Variants in NCAPG observed in about 807,000 individuals in gnomAD.
NCAPG encodes the protein condensin complex subunit 3.
NCAPG carries 69 observed loss-of-function variants against 113.1 expected under a neutral mutation model. That is an observed-to-expected ratio of 0.61 (90% CI 0.50 to 0.75). NCAPG has a LOEUF of 0.75. Among genes scored for constraint, NCAPG ranks in the 30% least tolerant of loss-of-function variants. The pLI, the probability that NCAPG is intolerant of heterozygous loss-of-function variation, is 0.00. For synonymous variants in NCAPG, 370 were observed against 415.8 expected (o/e 0.89, Z 1.34); for missense variants, 1,058 against 1,177.0 (o/e 0.90, Z 1.48).
At position 17,812,111 on chromosome 4, in the gene NCAPG, T is replaced by TTTAA. The variant is rs1721000135; in HGVS notation, c.112-107_112-104dup. On this transcript the variant is annotated intron_variant, in intron 1 of 20. Coordinates refer to ENST00000251496, the MANE Select transcript of NCAPG (RefSeq NM_022346.5). ...AATTAAGAGTTTACTAAATAAATAT[T>TTTAA]TTAATTTGTCTGCATTATTATGGCT... is the stretch of plus-strand genomic sequence containing the variant. The TTTAA allele has an allele frequency of 1.9e-5, 15 of 807,974 alleles. No individual in the cohort carries two copies. The South Asian group carries it at 2.6e-4, about 14-fold the overall frequency. 50.1% of individuals were successfully genotyped at this position (807,974 alleles called of 1,614,324 possible).
At chr4:17,821,908 CTACTGAATA>C (rs1311321906) in intron 7 of NCAPG, among the ~76,000 whole-genome samples, 18 of 152,012 alleles carry the variant, frequency 1.2e-4, no homozygotes, top group Non-Finnish European at 2.2e-4. Flanking sequence ...AAAGCAGAGG[CTACTGAATA>C]TACAGCCTTC....
Position 17,827,791 on chromosome 4 carries a change from A to G in NCAPG, c.1654-487A>G, listed in dbSNP as rs183722557. 6.3e-3 allele frequency among the ~76,000 whole-genome samples: 947 copies of G among 151,170 alleles called. 14 individuals are homozygous for G. The highest frequency in any genetic ancestry group is 0.022 in the African/African-American group (910 of 41,146). ...TTTTTTTTGAGGTGATAATTAGGCA[A>G]GATGAAGATTAGACTTTTTTTTTTT... is the stretch of plus-strand genomic sequence containing the variant. On this transcript the variant is annotated intron_variant, in intron 11 of 20. Transcript: ENST00000251496.
At chr4:17,836,875 T>C (rs1722118664) in intron 14 of NCAPG, among the ~76,000 whole-genome samples, 2 of 152,170 alleles carry the variant, frequency 1.3e-5, no homozygotes, top group South Asian at 2.1e-4. Context: ...GCTCTTTTTT[T>C]CCAACAGTTA....
chr4:17,831,991 T>C (rs992014045), intron 13 of NCAPG, among the ~76,000 whole-genome samples: 2 of 152,216 alleles, frequency 1.3e-5, no homozygotes, highest in Admixed American at 6.5e-5. Flanking sequence ...CCATATGATC[T>C]GTCTGAACTC....
chr4:17,830,888 A>T, intron 12 of NCAPG, 109 bp from the exon 13 acceptor site: 2 of 1,149,618 alleles, frequency 1.7e-6, no homozygotes, highest in Non-Finnish European at 1.2e-6. Context: ...TTAGCAATTT[A>T]ATACTTACCT....
chr4:17,812,972 A>G lies in NCAPG; in HGVS notation c.371A>G (p.Lys124Arg). ...VRFRVCLLIN[K>R]LLGSMPENAQ... ...TTTAGAGTGTGCCTGCTCATAAACA[A>G]GCTTTTGGGAAGTATGCCAGAAAAT... Residue 124 changes from lysine to arginine, a missense_variant, in exon 3 of 21, where the codon AAG (lysine) becomes AGG (arginine). Physicochemically the swap from Lys to Arg is conservative, Grantham distance 26 (BLOSUM62 2). Coordinates refer to ENST00000251496, the MANE Select transcript of NCAPG (RefSeq NM_022346.5). The G allele has an allele frequency of 6.2e-7, 1 of 1,614,024 alleles. No homozygotes were observed. The highest frequency in any genetic ancestry group is 8.5e-7 in the Non-Finnish European group (1 of 1,179,956).
intron 4 of NCAPG, 134 bp from the exon 5 acceptor site, chr4:17,815,140 C>A: frequency 2.4e-6 from 3 of 1,261,182 alleles, no homozygotes; most frequent in Non-Finnish European, 3.3e-6. Flanking sequence ...TAGGTAGAAT[C>A]TTACTGTATT....
In NCAPG at chr4:17,825,075, G is replaced by A; in HGVS notation, c.1473+18G>A. The A allele has an allele frequency of 6.3e-7, 1 of 1,577,476 alleles. No homozygotes were observed. The highest frequency in any genetic ancestry group is 8.7e-7 in the Non-Finnish European group (1 of 1,148,920). ...AACTCAAGGTAAGTCTCTTTTAAAT[G>A]AAAGAAGTGCTTGAGTGTAATGTAG... On this transcript the variant is annotated intron_variant, in intron 10 of 20. Coordinates refer to ENST00000251496, the MANE Select transcript of NCAPG (RefSeq NM_022346.5).
In NCAPG at chr4:17,828,353, T is replaced by G. The variant is rs1721734470; in HGVS notation, c.1729T>G (p.Leu577Val). 6.2e-7 allele frequency: 1 copy of G among 1,607,502 alleles called. No individual in the cohort carries two copies. The highest frequency in any genetic ancestry group is 1.3e-5 in the African/African-American group (1 of 74,472). Residue 577 changes from leucine (L) to valine (V), a missense_variant, in exon 12 of 21, where the codon TTA (leucine) becomes GTA (valine). Physicochemically the swap from Leu to Val is conservative, Grantham distance 32. Transcript: ENST00000251496. ...GAAGCAGATGTCCATTTCAACAGGC[T>G]TAAGTGCAACCATGAATGGAATCAT... ...LLKQMSISTG[L>V]SATMNGIIES...
chr4:17,832,617 T>C (rs887871828), intron 13 of NCAPG, among the ~76,000 whole-genome samples: 2 of 152,048 alleles, frequency 1.3e-5, no homozygotes, highest in African/African-American at 4.8e-5. Context: ...AGGGGAGAGG[T>C]CCAAGATGGT....
At chr4:17,813,315 T>C (rs1422125525) in intron 3 of NCAPG, 170 bp downstream of exon 3, 1 of 493,382 alleles carries the variant, frequency 2.0e-6, no homozygotes, top group Non-Finnish European at 3.5e-6. Context: ...AAAAAAAAAG[T>C]CAGTACTTGC....
chr4:17,818,632 T>TATA, intron 7 of NCAPG, among the ~76,000 whole-genome samples: 1 of 152,358 alleles, frequency 6.6e-6, no homozygotes, highest in East Asian at 1.9e-4. Context: ...TTGCAAGCTA[T>TATA]ATAACAGGTA....
chr4:17,823,500 G>A (rs1436713198), intron 8 of NCAPG, 147 bp from the exon 9 acceptor site: 4 of 661,526 alleles, frequency 6.0e-6, no homozygotes, highest in Non-Finnish European at 9.7e-6. Context: ...CCTAAAGTCT[G>A]TACATACAGA....
chr4:17,843,520 T>A lies in NCAPG; in HGVS notation c.*95T>A. On this transcript the variant is annotated 3_prime_UTR_variant, in exon 21 of 21. Transcript: ENST00000251496. ...CTTGTCAAAATCAGAACAAACCTGA[T>A]GTCTTTCTGAAGATTTTCTGCTGTG... 1 of 1,404,978 alleles carries A rather than the reference T, an allele frequency of 7.1e-7. No homozygotes were observed. Among genetic ancestry groups the A allele is most frequent in the Non-Finnish European group, 9.8e-7 (1 of 1,023,046 alleles). 87.0% of individuals were successfully genotyped at this position (1,404,978 alleles called of 1,614,324 possible).
chr4:17,839,835 G>A lies in NCAPG; in HGVS notation c.2626G>A (p.Glu876Lys). 6.3e-7 allele frequency: 1 copy of A among 1,578,648 alleles called. No homozygotes were observed. The highest frequency in any genetic ancestry group is 8.5e-7 in the Non-Finnish European group (1 of 1,171,440). ...DLLVLLNEIL[E>K]QVKDRTCLRA... is the part of the protein sequence containing the mutation. ...TCTGGTTCTATTGAATGAGATTCTGGAGGTAAAGTAGTTTCTCATTACTCT... is the reference window on the plus strand; with the variant it reads ...TCTGGTTCTATTGAATGAGATTCTGAAGGTAAAGTAGTTTCTCATTACTCT... Residue 876 changes from glutamate to lysine, a missense_variant and splice_region_variant, in exon 17 of 21, where the codon GAG (glutamate) becomes AAG (lysine). Coordinates refer to ENST00000251496, the MANE Select transcript of NCAPG (RefSeq NM_022346.5).
At position 17,824,201 on chromosome 4, in the gene NCAPG, T is replaced by C. The variant is rs140154361; in HGVS notation, c.1383+431T>C. Among the ~76,000 whole-genome samples the C allele has an allele frequency of 2.5e-3, 375 of 152,300 alleles. 2 individuals carry two copies. In the East Asian group the frequency reaches 0.04, roughly 16 times the overall value. ...TAAGAATAGCAATGAAATCTACCTTTCATTTTTCAATGAGGTATTGTTCAT... is the reference window on the plus strand; with the variant it reads ...TAAGAATAGCAATGAAATCTACCTTCCATTTTTCAATGAGGTATTGTTCAT... On this transcript the variant is annotated intron_variant, in intron 9 of 20. Transcript: ENST00000251496.
At chr4:17,822,942 T>C in intron 7 of NCAPG, 41 bp from the exon 8 acceptor site, 1 of 1,514,788 alleles carries the variant, frequency 6.6e-7, no homozygotes, top group South Asian at 1.3e-5. Flanking sequence ...TTGTTTGATG[T>C]TTCTTAAAAG....
chr4:17,840,354 G>A (rs1722305477), intron 18 of NCAPG, 145 bp downstream of exon 18: 8 of 829,674 alleles, frequency 9.6e-6, no homozygotes, highest in African/African-American at 1.8e-5. Context: ...TCTTGGGAAA[G>A]AGCATTACTG....
At chr4:17,812,792 G>A (rs1042673008) in intron 2 of NCAPG, 125 bp from the exon 3 acceptor site, 2 of 762,924 alleles carry the variant, frequency 2.6e-6, no homozygotes, top group African/African-American at 3.5e-5. Flanking sequence ...AGCATTATAG[G>A]TTCTCTTCAG....
Sources: allele counts gnomAD v4.1 joint callset (sites outside exome capture counted in the v4.1 genomes callset), GRCh38; gene constraint gnomAD v4.1.1; transcripts MANE v1.5; gene names NCBI Gene and HGNC (gene_info 2026-07-23, HGNC 2026-07-21).